The following C12orf42 variants were observed in gnomAD, a reference collection of about 807,000 sequenced individuals.
The protein encoded by C12orf42 is uncharacterized protein C12orf42.
A neutral mutation model predicts 21.6 loss-of-function variants in C12orf42; 25 were observed. That is an observed-to-expected ratio of 1.16 (90% CI 0.84 to 1.62). C12orf42 has a LOEUF of 1.62. Among genes scored for constraint, C12orf42 ranks in the 40% most tolerant of loss-of-function variants. The pLI, the probability that C12orf42 is intolerant of heterozygous loss-of-function variation, is 0.00. For synonymous variants in C12orf42, 174 were observed against 175.0 expected (o/e 0.99, Z 0.05); for missense variants, 483 against 459.3 (o/e 1.05, Z -0.47).
chr12:103,426,560 T>A (rs1202086770), intron 2 of C12orf42, among the ~76,000 whole-genome samples: 1 of 152,138 alleles, frequency 6.6e-6, no homozygotes, highest in Non-Finnish European at 1.5e-5. Flanking sequence ...CCAGAAGAAC[T>A]TCCCCAACCT....
At chr12:103,116,388 A>G in the C12orf42 span, among the ~76,000 whole-genome samples, 1 of 146,866 alleles carries the variant, frequency 6.8e-6, no homozygotes, top group African/African-American at 2.5e-5. Context: ...AAAAATATAT[A>G]TATATATATA....
intron 2 of C12orf42, among the ~76,000 whole-genome samples, chr12:103,407,173 G>C (rs2048484084): frequency 6.6e-6 from 1 of 152,128 alleles, no homozygotes; most frequent in Non-Finnish European, 1.5e-5. Context: ...GTGTTCAGGT[G>C]TCTCCCATCA....
At chr12:103,114,096 C>A in the C12orf42 span, among the ~76,000 whole-genome samples, 1 of 151,962 alleles carries the variant, frequency 6.6e-6, no homozygotes, top group Non-Finnish European at 1.5e-5. Context: ...TAACAAACAA[C>A]CTTTAATACC....
chr12:103,167,690 A>T, the C12orf42 span, among the ~76,000 whole-genome samples: 7 of 152,184 alleles, frequency 4.6e-5, no homozygotes, highest in Non-Finnish European at 1.0e-4. Context: ...TTCAATAAGC[A>T]TTTAGTATGA....
chr12:103,067,546 T>C, the C12orf42 span, among the ~76,000 whole-genome samples: 1 of 152,116 alleles, frequency 6.6e-6, no homozygotes, highest in Non-Finnish European at 1.5e-5. Flanking sequence ...TTTCTGTTTC[T>C]CCCATAGCCA....
At chr12:103,202,869 T>G in the C12orf42 span, among the ~76,000 whole-genome samples, 1 of 152,182 alleles carries the variant, frequency 6.6e-6, no homozygotes, top group South Asian at 2.1e-4. Flanking sequence ...ATTGTGAGAT[T>G]GATGGACTAA....
chr12:103,557,188 G>A, the C12orf42 span, among the ~76,000 whole-genome samples: 1 of 152,118 alleles, frequency 6.6e-6, no homozygotes, highest in African/African-American at 2.4e-5. Flanking sequence ...AACCATGCAA[G>A]GAGAAAAATA....
chr12:103,213,791 G>A, the C12orf42 span, among the ~76,000 whole-genome samples: 1 of 152,134 alleles, frequency 6.6e-6, no homozygotes, highest in African/African-American at 2.4e-5. Flanking sequence ...TTTTGACCAT[G>A]GACTATGAGT....
the C12orf42 span, among the ~76,000 whole-genome samples, chr12:103,080,196 C>T: frequency 2.6e-5 from 4 of 152,132 alleles, no homozygotes; most frequent in East Asian, 1.9e-4. Context: ...AGAGTTGGGG[C>T]GGCCAGGTCA....
At chr12:103,229,882 C>T in the C12orf42 span, among the ~76,000 whole-genome samples, 15 of 152,212 alleles carry the variant, frequency 9.9e-5, no homozygotes, top group East Asian at 7.7e-4. Context: ...TAGCTACAAC[C>T]GAATCCTGTG....
At chr12:103,112,958 A>G in the C12orf42 span, among the ~76,000 whole-genome samples, 1 of 152,202 alleles carries the variant, frequency 6.6e-6, no homozygotes, top group African/African-American at 2.4e-5. Flanking sequence ...TTCATTAAGC[A>G]TTTGTTGAAT....
At chr12:103,205,544 G>A in the C12orf42 span, among the ~76,000 whole-genome samples, 1 of 152,102 alleles carries the variant, frequency 6.6e-6, no homozygotes, top group East Asian at 1.9e-4. Context: ...GGGATTATGG[G>A]AGCTACAATT....
At chr12:103,264,728 C>A (rs2035078664), downstream of C12orf42, among the ~76,000 whole-genome samples, 1 of 152,110 alleles carries the variant, frequency 6.6e-6, no homozygotes, top group Non-Finnish European at 1.5e-5. Context: ...ACAGGTGTAA[C>A]AAGTGCTAAA....
the C12orf42 span, among the ~76,000 whole-genome samples, chr12:103,215,744 C>T: frequency 6.6e-6 from 1 of 152,210 alleles, no homozygotes; most frequent in Non-Finnish European, 1.5e-5. Flanking sequence ...CATAGCAAAG[C>T]TGATGCTGTG....
intron 4 of C12orf42, among the ~76,000 whole-genome samples, chr12:103,288,897 A>G (rs2036629780): frequency 6.6e-6 from 1 of 152,204 alleles, no homozygotes; most frequent in South Asian, 2.1e-4. Flanking sequence ...ATAAACTTGA[A>G]CAAAAAAAGT....
At chr12:103,153,329 A>C in the C12orf42 span, among the ~76,000 whole-genome samples, 2 of 152,186 alleles carry the variant, frequency 1.3e-5, no homozygotes, top group South Asian at 4.1e-4. Flanking sequence ...TTGTTAAATC[A>C]AACTATATTA....
chr12:103,549,399 T>A, the C12orf42 span: 4 of 152,204 alleles, frequency 2.6e-5, no homozygotes, highest in Non-Finnish European at 4.4e-5. Context: ...ACCAGGAAAC[T>A]GAAATGAATG....
At chr12:103,543,671 T>C in the C12orf42 span, among the ~76,000 whole-genome samples, 3 of 152,178 alleles carry the variant, frequency 2.0e-5, no homozygotes, top group African/African-American at 7.2e-5. Flanking sequence ...GCCCCTGCTT[T>C]TGTTGTGTGA....
the C12orf42 span, among the ~76,000 whole-genome samples, chr12:103,166,692 A>G: frequency 6.6e-6 from 1 of 152,170 alleles, no homozygotes; most frequent in Non-Finnish European, 1.5e-5. Context: ...ATTTCAATTC[A>G]TATTTATCCT....
Sources: gnomAD v4.1 joint callset for allele counts (sites outside exome capture counted in the v4.1 genomes callset) on GRCh38, gnomAD v4.1.1 for gene constraint, MANE v1.5 for transcripts, NCBI Gene and HGNC (gene_info 2026-07-23, HGNC 2026-07-21) for gene names.